Variants in ITGA4 observed in about 807,000 individuals in gnomAD.
ITGA4 encodes integrin subunit alpha 4, also known as integrin alpha-4.
ITGA4 carries 63 observed loss-of-function variants against 133.6 expected under a neutral mutation model. The ratio of observed to expected loss-of-function variants is 0.47; its 90% CI spans 0.38 to 0.58. The LOEUF (loss-of-function observed/expected upper bound fraction) is 0.58. Among genes scored for constraint, ITGA4 ranks in the 20% least tolerant of loss-of-function variants. The pLI, the probability that ITGA4 is intolerant of heterozygous loss-of-function variation, is 0.00. For missense variants in ITGA4, 1,076 were observed against 1,252.7 expected (o/e 0.86, Z 2.13); for synonymous variants, 483 against 438.0 (o/e 1.10, Z -1.28).
intron 9 of ITGA4, among the ~76,000 whole-genome samples, chr2:181,484,725 G>T (rs2105735678): frequency 6.6e-6 from 1 of 152,232 alleles, no homozygotes; most frequent in Non-Finnish European, 1.5e-5. Context: ...GACACCAATG[G>T]GAGTAAACAA....
rs1262531442 is a variant in ITGA4, at chr2:181,522,328, A to G, written c.2060A>G (p.Lys687Arg). The change falls in exon 18 of 28, where the codon AAG (lysine) becomes AGG (arginine). Residue 687 changes from lysine (K) to arginine (R), a missense_variant. This residue lies in a region of ITGA4 where 365 missense variants were observed against 421.4 expected (regional missense o/e 0.87). Coordinates refer to ENST00000397033, the MANE Select transcript of ITGA4 (RefSeq NM_000885.6). ...VKLPVGLYFI[K>R]ILELEEKQIN... Reference sequence around the variant, plus strand: ...CTACCCGTGGGTCTTTATTTCATTAAGATTTTAGAGCTGGTAAGTACTGTA... The same window carrying G: ...CTACCCGTGGGTCTTTATTTCATTAGGATTTTAGAGCTGGTAAGTACTGTA... 1 of 1,603,942 alleles carries G rather than the reference A, an allele frequency of 6.2e-7. No individual in the cohort carries two copies. Among genetic ancestry groups the G allele is most frequent in the African/African-American group, 1.3e-5 (1 of 74,502 alleles).
chr2:181,513,047 G>A (rs4667317), intron 17 of ITGA4, among the ~76,000 whole-genome samples: 8 of 151,900 alleles, frequency 5.3e-5, no homozygotes, highest in South Asian at 2.1e-4. Context: ...TCTTTTGAAT[G>A]TCTTATCCTT....
intron 2 of ITGA4, among the ~76,000 whole-genome samples, chr2:181,471,856 C>T (rs1470886184): frequency 6.6e-6 from 1 of 152,126 alleles, no homozygotes; most frequent in East Asian, 1.9e-4. Flanking sequence ...AATTGTTCTC[C>T]TATTTCTAAG....
chr2:181,526,424 A>C (rs1330852775), intron 21 of ITGA4, among the ~76,000 whole-genome samples: 1 of 152,154 alleles, frequency 6.6e-6, no homozygotes, highest in African/African-American at 2.4e-5. Flanking sequence ...TGGAGTAGAG[A>C]TCTCCCTAGA....
chr2:181,511,238 T>G (rs1297401043), intron 16 of ITGA4, among the ~76,000 whole-genome samples: 1 of 152,126 alleles, frequency 6.6e-6, no homozygotes, highest in African/African-American at 2.4e-5. Flanking sequence ...ATATTTCCTC[T>G]AAGTAAAATT....
intron 17 of ITGA4, among the ~76,000 whole-genome samples, chr2:181,518,055 TG>T (rs1000961394): frequency 1.3e-5 from 2 of 151,172 alleles, no homozygotes; most frequent in Admixed American, 6.6e-5. Context: ...GAGTTTGGGG[TG>T]GGGGGGCAGG....
In ITGA4 at chr2:181,498,730, G is replaced by C. The variant is rs749096523; in HGVS notation, c.1648G>C (p.Val550Leu). The C allele has an allele frequency of 1.9e-6, 3 of 1,612,170 alleles. No homozygotes were observed. Among genetic ancestry groups the C allele is most frequent in the Non-Finnish European group, 1.7e-6 (2 of 1,178,894 alleles). Residue 550 changes from valine (V) to leucine (L), a missense_variant, in exon 15 of 28, where the codon GTG (valine) becomes CTG (leucine). Val to Leu is a conservative substitution (Grantham distance 32). Coordinates refer to ENST00000397033, the MANE Select transcript of ITGA4 (RefSeq NM_000885.6). Reference sequence around the variant, plus strand: ...TGACGTGATTACAGGAAGCATACAGGTGTCCAGCAGAGAAGCTAACTGTAG... The same window carrying C: ...TGACGTGATTACAGGAAGCATACAGCTGTCCAGCAGAGAAGCTAACTGTAG... Reference protein sequence around the residue: ...TSDVITGSIQVSSREANCRTH... With the variant: ...TSDVITGSIQLSSREANCRTH...
intron 21 of ITGA4, among the ~76,000 whole-genome samples, chr2:181,526,952 C>T (rs1293999910): frequency 6.7e-6 from 1 of 150,198 alleles, no homozygotes; most frequent in African/African-American, 2.4e-5. Flanking sequence ...CTGCCTCAGC[C>T]TCCCGAGTAG....
intron 4 of ITGA4, chr2:181,475,871 G>T: frequency 6.3e-7 from 1 of 1,598,998 alleles, no homozygotes. Flanking sequence ...GCAGAATTGG[G>T]GTGAATGTCA....
At position 181,457,593 on chromosome 2, in the gene ITGA4, C is replaced by A; in HGVS notation, c.-62C>A. ...GCGTTCTTCCCCGTTGGCCAACCGTCGCATCCCGTGCAACTTTGGGGTAGT... is the reference window on the plus strand; with the variant it reads ...GCGTTCTTCCCCGTTGGCCAACCGTAGCATCCCGTGCAACTTTGGGGTAGT... On this transcript the variant is annotated 5_prime_UTR_variant, in exon 1 of 28. Transcript: ENST00000397033. The A allele has an allele frequency of 1.3e-6, 2 of 1,485,272 alleles. No individual in the cohort carries two copies. Among genetic ancestry groups the A allele is most frequent in the African/African-American group, 1.4e-5 (1 of 72,116 alleles). 92.0% of individuals were successfully genotyped at this position (1,485,272 alleles called of 1,614,324 possible). A position where few individuals can be genotyped will look rare whatever the true frequency, so the allele number is the denominator to read the frequency against.
rs1310879214 is a variant in ITGA4, at chr2:181,458,305, C to G, written c.307C>G (p.Gln103Glu). 1 of 1,611,568 alleles carries G rather than the reference C, an allele frequency of 6.2e-7. No individual in the cohort carries two copies. The highest frequency in any genetic ancestry group is 8.5e-7 in the Non-Finnish European group (1 of 1,178,852). Residue 103 changes from glutamine (Q) to glutamate (E), a missense_variant, in exon 2 of 28, where the codon CAG (glutamine) becomes GAG (glutamate). This residue lies in a region of ITGA4 where 436 missense variants were observed against 590.7 expected (regional missense o/e 0.74). Transcript: ENST00000397033. ...IGKNPGQTCE[Q>E]LQLGSPNGEP... ...AAAGAATCCCGGCCAGACGTGCGAA[C>G]AGCTCCAGCTGGGTGAGTTGGGTAT...
In ITGA4 at chr2:181,498,035, C is replaced by T. The variant is rs867024900; in HGVS notation, c.1541-588C>T. On this transcript the variant is annotated intron_variant, in intron 14 of 27. Coordinates refer to ENST00000397033, the MANE Select transcript of ITGA4 (RefSeq NM_000885.6). ...GGAAGGTCAAACTAGAAACCAATAA[C>T]ACACAGAGGAAGGACAGATAATCAG... Among the ~76,000 whole-genome samples, 4 of 151,886 alleles carry T rather than the reference C, an allele frequency of 2.6e-5. No individual in the cohort carries two copies. In the South Asian group the frequency reaches 8.3e-4, roughly 31 times the overall value.
At chr2:181,486,267 C>A in intron 10 of ITGA4, 1 of 306,086 alleles carries the variant, frequency 3.3e-6, no homozygotes, top group Non-Finnish European at 5.9e-6. Flanking sequence ...TTTATGTGTC[C>A]CTAAAAGCTA....
chr2:181,526,816 A>T (rs1190873978), intron 21 of ITGA4, among the ~76,000 whole-genome samples: 1 of 43,600 alleles, frequency 2.3e-5, no homozygotes, highest in Non-Finnish European at 6.4e-5. Flanking sequence ...GTCAGAGCAC[A>T]TGGCCTTTTT....
intron 10 of ITGA4, among the ~76,000 whole-genome samples, chr2:181,490,155 G>A (rs370916749): frequency 1.3e-5 from 2 of 152,144 alleles, no homozygotes; most frequent in African/African-American, 2.4e-5. Context: ...CAATTAGGTC[G>A]GGGTCGATCT....
At chr2:181,498,359 T>C (rs1291441893) in intron 14 of ITGA4, 1 of 203,370 alleles carries the variant, frequency 4.9e-6, no homozygotes, top group Non-Finnish European at 9.8e-6. Flanking sequence ...TATATAAAGA[T>C]TAAGCAAATA....
At position 181,495,800 on chromosome 2, in the gene ITGA4, T is replaced by C; in HGVS notation, c.1403T>C (p.Ile468Thr). The C allele has an allele frequency of 2.5e-6, 4 of 1,613,834 alleles. No homozygotes were observed. Among genetic ancestry groups the C allele is most frequent in the South Asian group, 1.1e-5 (1 of 91,050 alleles). The stretch of plus-strand genomic sequence containing the variant: ...CTTCTCAGGACAAGACCTGTAGTAA[T>C]TGTTGACGCTTCTTTAAGCCACCCT... ...AVLLRTRPVV[I>T]VDASLSHPES... The change falls in exon 14 of 28, where the codon ATT becomes ACT. Residue 468 changes from isoleucine (I) to threonine (T), a missense_variant. Coordinates refer to ENST00000397033, the MANE Select transcript of ITGA4 (RefSeq NM_000885.6). The surrounding 1 kb of genome is among the most constrained non-coding windows in gnomAD (Gnocchi z 4.3).
chr2:181,478,175 A>G (rs1158682958), intron 4 of ITGA4, among the ~76,000 whole-genome samples: 7 of 152,120 alleles, frequency 4.6e-5, no homozygotes, highest in African/African-American at 1.7e-4. Flanking sequence ...AAAAAAGTCA[A>G]ATACATAGAG....
chr2:181,521,242 T>A (rs1304647292), intron 17 of ITGA4, among the ~76,000 whole-genome samples: 1 of 152,170 alleles, frequency 6.6e-6, no homozygotes, highest in Non-Finnish European at 1.5e-5. Flanking sequence ...CATACTGTAT[T>A]GGAAAGTTTT....
Sources: allele counts gnomAD v4.1 joint callset (sites outside exome capture counted in the v4.1 genomes callset), GRCh38; gene constraint gnomAD v4.1.1; regional missense constraint gnomAD v4.1.1; non-coding constraint Gnocchi (gnomAD v3.1); transcripts MANE v1.5; gene names NCBI Gene and HGNC (gene_info 2026-07-23, HGNC 2026-07-21).